ZSCAN5A: variants seen among roughly 807,000 people sequenced by gnomAD.
ZSCAN5A encodes the protein zinc finger and SCAN domain containing 5A, also known as zinc finger and SCAN domain-containing protein 5A.
Under a neutral mutation model 23.7 loss-of-function variants are expected in ZSCAN5A, and 12 were observed. The observed-to-expected ratio is 0.51, with a 90% CI of 0.32 to 0.82. ZSCAN5A has a LOEUF of 0.82. Ranked by LOEUF, ZSCAN5A falls within the 40% of genes least tolerant of loss-of-function variation. ZSCAN5A has a pLI of 0.03. For missense variants in ZSCAN5A, 597 were observed against 617.9 expected (o/e 0.97, Z 0.36); for synonymous variants, 257 against 239.9 (o/e 1.07, Z -0.66).
chr19:56,326,305 T>TTGTGTGTGTGTGTGTGTGTG (rs368735639), intron 2 of ZSCAN5A, among the ~76,000 whole-genome samples: 24 of 145,628 alleles, frequency 1.6e-4, no homozygotes, highest in African/African-American at 5.8e-4. Context: ...ACAGTTACCA[T>TTGTGTGTGTGTGTGTGTGTG]TGTGTGTGTG....
At chr19:56,292,809 T>C (rs2039606900) in intron 2 of ZSCAN5A, among the ~76,000 whole-genome samples, 1 of 152,234 alleles carries the variant, frequency 6.6e-6, no homozygotes, top group Non-Finnish European at 1.5e-5. Context: ...AGAAGTAGAA[T>C]CGTACACGAT....
chr19:56,256,498 G>C (rs947697097), intron 2 of ZSCAN5A, among the ~76,000 whole-genome samples: 1 of 152,110 alleles, frequency 6.6e-6, no homozygotes, highest in Non-Finnish European at 1.5e-5. Flanking sequence ...TGCTCAGCCT[G>C]TATTTTTAAT....
chr19:56,249,039 A>G (rs1334640681), intron 2 of ZSCAN5A, among the ~76,000 whole-genome samples: 1 of 151,206 alleles, frequency 6.6e-6, no homozygotes. Flanking sequence ...TGCTCTGCCT[A>G]TTTATCTCCC....
chr19:56,359,861 T>C (rs933424839), intron 2 of ZSCAN5A, among the ~76,000 whole-genome samples: 1 of 152,156 alleles, frequency 6.6e-6, no homozygotes, highest in African/African-American at 2.4e-5. Context: ...GAAAAGGCCT[T>C]TGATAAAATT....
At chr19:56,248,829 C>A (rs944235844) in intron 2 of ZSCAN5A, among the ~76,000 whole-genome samples, 1 of 152,166 alleles carries the variant, frequency 6.6e-6, no homozygotes, top group African/African-American at 2.4e-5. Flanking sequence ...AGCCTCTCCC[C>A]GCCCAGCATC....
At chr19:56,350,048 A>T (rs1420491887) in intron 2 of ZSCAN5A, among the ~76,000 whole-genome samples, 1 of 152,242 alleles carries the variant, frequency 6.6e-6, no homozygotes, top group Non-Finnish European at 1.5e-5. Context: ...TTGCAATAGA[A>T]CTAAACGCTG....
At chr19:56,307,484 G>A (rs988011618) in intron 2 of ZSCAN5A, among the ~76,000 whole-genome samples, 3 of 152,098 alleles carry the variant, frequency 2.0e-5, no homozygotes, top group Non-Finnish European at 4.4e-5. Flanking sequence ...TTTTCCTAAG[G>A]TTAACTGTGT....
At position 56,233,179 on chromosome 19, in the gene ZSCAN5A, CTACTAG is replaced by C. The variant is rs566396843; in HGVS notation, c.-127-8012_-127-8007del. ...ATGACTCAAATAATGGCAGCTCCAC[CTACTAG>C]TACAATGGGTCAAGTTTTTACATTT... On this transcript the variant is annotated intron_variant, in intron 2 of 5. Coordinates refer to ENST00000683990, the MANE Select transcript of ZSCAN5A (RefSeq NM_001322064.3). Among the ~76,000 whole-genome samples, 481 of 152,246 alleles carry C rather than the reference CTACTAG, an allele frequency of 3.2e-3. 1 individual carries two copies. The highest frequency in any genetic ancestry group is 5.5e-3 in the Non-Finnish European group (375 of 68,022).
intron 2 of ZSCAN5A, among the ~76,000 whole-genome samples, chr19:56,276,780 G>A (rs892956949): frequency 6.6e-6 from 1 of 151,958 alleles, no homozygotes; most frequent in Admixed American, 6.5e-5. Context: ...CAGGTGATCC[G>A]CCCACCTCGG....
At chr19:56,223,593 C>T (rs1568605907) in intron 4 of ZSCAN5A, 38 bp downstream of exon 4, 2 of 1,605,762 alleles carry the variant, frequency 1.2e-6, no homozygotes, top group Non-Finnish European at 8.5e-7. Flanking sequence ...TGTTCCTTCT[C>T]CCACCTCTGC....
At chr19:56,308,079 G>T (rs778592802) in intron 2 of ZSCAN5A, among the ~76,000 whole-genome samples, 1 of 152,230 alleles carries the variant, frequency 6.6e-6, no homozygotes, top group African/African-American at 2.4e-5. Context: ...CTGTCGCCAG[G>T]CTGGAGCGCA....
chr19:56,279,467 G>T (rs563755159), intron 2 of ZSCAN5A, among the ~76,000 whole-genome samples: 6 of 152,250 alleles, frequency 3.9e-5, no homozygotes, highest in Admixed American at 3.9e-4. Flanking sequence ...ATTATTTCAG[G>T]TTGAAAGGAG....
chr19:56,223,919 C>T (rs2033614087), intron 3 of ZSCAN5A, 85 bp from the exon 4 acceptor site: 2 of 1,189,604 alleles, frequency 1.7e-6, no homozygotes, highest in East Asian at 2.4e-5. Context: ...ATAATGCTCA[C>T]ACTTTACTGT....
At chr19:56,353,275 A>G (rs2041678983) in intron 2 of ZSCAN5A, among the ~76,000 whole-genome samples, 1 of 152,218 alleles carries the variant, frequency 6.6e-6, no homozygotes, top group East Asian at 1.9e-4. Flanking sequence ...AACTAGAGAA[A>G]GAATATGAAA....
At chr19:56,321,070 G>T (rs112877908) in intron 2 of ZSCAN5A, 1 of 703,808 alleles carries the variant, frequency 1.4e-6, no homozygotes, top group African/African-American at 1.7e-5. Context: ...TCAGGAGATA[G>T]ACTGAGTATC....
At chr19:56,302,648 TCCCCC>T (rs201988390) in intron 2 of ZSCAN5A, among the ~76,000 whole-genome samples, 1 of 119,990 alleles carries the variant, frequency 8.3e-6, no homozygotes, top group Non-Finnish European at 1.7e-5. Flanking sequence ...TTCCTTTTCT[TCCCCC>T]CCTCCCTGTT....
intron 2 of ZSCAN5A, among the ~76,000 whole-genome samples, chr19:56,234,111 G>A (rs2034686338): frequency 6.6e-6 from 1 of 152,154 alleles, no homozygotes; most frequent in Non-Finnish European, 1.5e-5. Context: ...TAGGAGAGGA[G>A]GTGTGTGGGA....
intron 2 of ZSCAN5A, chr19:56,320,679 A>C: frequency 1.3e-6 from 1 of 785,924 alleles, no homozygotes; most frequent in South Asian, 1.3e-5. Context: ...ACGGTGGTGC[A>C]GGAATACTCC....
chr19:56,237,667 T>C (rs146623562), intron 2 of ZSCAN5A, among the ~76,000 whole-genome samples: 2 of 152,188 alleles, frequency 1.3e-5, no homozygotes, highest in African/African-American at 4.8e-5. Context: ...TGCCTGTAAT[T>C]CCATTAATTT....
Sources: gnomAD v4.1 joint callset for allele counts (sites outside exome capture counted in the v4.1 genomes callset) on GRCh38, gnomAD v4.1.1 for gene constraint, MANE v1.5 for transcripts, NCBI Gene and HGNC (gene_info 2026-07-23, HGNC 2026-07-21) for gene names.